The following RPRD1B variants were observed in gnomAD, a reference collection of about 807,000 sequenced individuals.
RPRD1B encodes regulation of nuclear pre-mRNA domain-containing protein 1B.
Under a neutral mutation model 41.5 loss-of-function variants are expected in RPRD1B, and 11 were observed. The observed-to-expected ratio is 0.27, with a 90% CI of 0.17 to 0.44. The LOEUF is 0.44. Ranked by LOEUF, RPRD1B falls within the 20% of genes least tolerant of loss-of-function variation. RPRD1B has a pLI of 1.00. For synonymous variants in RPRD1B, 158 were observed against 155.6 expected (o/e 1.02, Z -0.12); for missense variants, 248 against 389.9 (o/e 0.64, Z 3.06).
At chr20:38,072,421 T>A (rs2074421906) in intron 6 of RPRD1B, among the ~76,000 whole-genome samples, 1 of 152,076 alleles carries the variant, frequency 6.6e-6, no homozygotes, top group Non-Finnish European at 1.5e-5. Context: ...ATCACTGTAG[T>A]TTTGTAGTAA....
intron 4 of RPRD1B, among the ~76,000 whole-genome samples, chr20:38,057,990 C>T (rs925514584): frequency 3.3e-5 from 5 of 152,168 alleles, no homozygotes; most frequent in Admixed American, 3.3e-4. Context: ...TCTCCAGTAG[C>T]ATGGTAGTTT....
chr20:38,049,614 C>T (rs558041341), intron 3 of RPRD1B: 7 of 410,818 alleles, frequency 1.7e-5, no homozygotes, highest in Non-Finnish European at 2.5e-5. Context: ...GTGATCCACC[C>T]GCCTCAGCCT....
chr20:38,083,638 GT>G (rs1438744849), intron 6 of RPRD1B, among the ~76,000 whole-genome samples: 1 of 152,218 alleles, frequency 6.6e-6, no homozygotes, highest in Admixed American at 6.5e-5. Flanking sequence ...CCCATTTGGA[GT>G]TTCCCGTGGA....
At chr20:38,042,851 AAAAC>A (rs879900765) in intron 2 of RPRD1B, among the ~76,000 whole-genome samples, 20 of 145,668 alleles carry the variant, frequency 1.4e-4, no homozygotes, top group Admixed American at 1.3e-4. Flanking sequence ...CTCCACACCC[AAAAC>A]AAACAAACAG....
At chr20:38,089,331 GT>G (rs1212239442) in intron 6 of RPRD1B, among the ~76,000 whole-genome samples, 2 of 151,718 alleles carry the variant, frequency 1.3e-5, no homozygotes, top group African/African-American at 2.4e-5. Context: ...TAACTTCAGT[GT>G]TTTTTTTCTT....
intron 1 of RPRD1B, among the ~76,000 whole-genome samples, chr20:38,036,524 G>C (rs894359037): frequency 6.6e-6 from 1 of 152,174 alleles, no homozygotes; most frequent in Non-Finnish European, 1.5e-5. Context: ...TGTTTTGAGA[G>C]AGGAACTAGA....
intron 6 of RPRD1B, among the ~76,000 whole-genome samples, chr20:38,082,016 C>G (rs1488878876): frequency 2.0e-5 from 3 of 152,092 alleles, no homozygotes; most frequent in Non-Finnish European, 4.4e-5. Flanking sequence ...CTGAAGTTTT[C>G]TTTCTTCATT....
At chr20:38,059,988 C>T (rs910511027) in intron 5 of RPRD1B, among the ~76,000 whole-genome samples, 1 of 152,126 alleles carries the variant, frequency 6.6e-6, no homozygotes, top group East Asian at 1.9e-4. Context: ...TGTCATTTTG[C>T]CCTAGTCGTG....
At chr20:38,041,080 T>C (rs2074061325) in intron 2 of RPRD1B, among the ~76,000 whole-genome samples, 1 of 152,222 alleles carries the variant, frequency 6.6e-6, no homozygotes, top group South Asian at 2.1e-4. Flanking sequence ...GTATTAAGCC[T>C]GGTGCTGTTG....
At chr20:38,047,341 T>G (rs2074130969) in intron 2 of RPRD1B, among the ~76,000 whole-genome samples, 1 of 152,182 alleles carries the variant, frequency 6.6e-6, no homozygotes, top group South Asian at 2.1e-4. Flanking sequence ...AAACCTAAGT[T>G]CTCCTTGAGT....
chr20:38,043,297 A>G (rs1476177691), intron 2 of RPRD1B, among the ~76,000 whole-genome samples: 3 of 152,152 alleles, frequency 2.0e-5, no homozygotes, highest in Non-Finnish European at 4.4e-5. Flanking sequence ...TCTAAGAGAA[A>G]CAGAATGAAG....
intron 3 of RPRD1B, among the ~76,000 whole-genome samples, chr20:38,053,344 TC>T (rs1485097593): frequency 6.6e-6 from 1 of 152,204 alleles, no homozygotes; most frequent in African/African-American, 2.4e-5. Flanking sequence ...ACTGCTGACT[TC>T]GTAGCAGTGA....
chr20:38,063,146 C>T (rs1203931286), intron 5 of RPRD1B, among the ~76,000 whole-genome samples: 2 of 152,090 alleles, frequency 1.3e-5, no homozygotes, highest in African/African-American at 4.8e-5. Context: ...TGAAACGTTC[C>T]TCCCAGATAG....
intron 4 of RPRD1B, among the ~76,000 whole-genome samples, chr20:38,058,980 C>T (rs1295370137): frequency 6.6e-6 from 1 of 152,118 alleles, no homozygotes; most frequent in African/African-American, 2.4e-5. Flanking sequence ...TCCCAAAGTG[C>T]TAGGATTACA....
intron 6 of RPRD1B, among the ~76,000 whole-genome samples, chr20:38,087,791 T>G (rs2074575498): frequency 6.6e-6 from 1 of 152,186 alleles, no homozygotes; most frequent in Non-Finnish European, 1.5e-5. Flanking sequence ...ACGTGAAAGG[T>G]GACTGTTAAC....
At position 38,033,853 on chromosome 20, in the gene RPRD1B, C is replaced by A; in HGVS notation, c.-95C>A. ...GTCTGTCAGTCGGTAAAAAGTCCCGCAGCCTGTCAGGTGAGGCCCCGGCCT... is the reference window on the plus strand; with the variant it reads ...GTCTGTCAGTCGGTAAAAAGTCCCGAAGCCTGTCAGGTGAGGCCCCGGCCT... On this transcript the variant is annotated 5_prime_UTR_variant, in exon 1 of 7. Coordinates refer to ENST00000373433, the MANE Select transcript of RPRD1B (RefSeq NM_021215.4). 7.8e-7 allele frequency: 1 copy of A among 1,281,114 alleles called. No individual in the cohort carries two copies. The highest frequency in any genetic ancestry group is 1.1e-6 in the Non-Finnish European group (1 of 944,432). 79.4% of individuals were successfully genotyped at this position (1,281,114 alleles called of 1,614,324 possible).
intron 6 of RPRD1B, among the ~76,000 whole-genome samples, chr20:38,085,183 T>C (rs2074549069): frequency 1.3e-5 from 2 of 152,118 alleles, no homozygotes; most frequent in African/African-American, 2.4e-5. Context: ...ATGAGAGTGC[T>C]GGAGAGAGCG....
At chr20:38,037,322 G>A (rs1371770796) in intron 1 of RPRD1B, among the ~76,000 whole-genome samples, 4 of 152,148 alleles carry the variant, frequency 2.6e-5, no homozygotes, top group African/African-American at 9.7e-5. Flanking sequence ...TTTTAATGGT[G>A]TTTTGTATCT....
chr20:38,072,304 C>T (rs998672020), intron 6 of RPRD1B, among the ~76,000 whole-genome samples: 2 of 152,168 alleles, frequency 1.3e-5, no homozygotes, highest in African/African-American at 2.4e-5. Context: ...ATGCCCAGCA[C>T]CCTTGTCAAA....
Sources: gnomAD v4.1 joint callset for allele counts (sites outside exome capture counted in the v4.1 genomes callset) on GRCh38, gnomAD v4.1.1 for gene constraint, MANE v1.5 for transcripts, NCBI Gene and HGNC (gene_info 2026-07-23, HGNC 2026-07-21) for gene names.